Variants in PSMB9 observed in about 807,000 individuals in gnomAD.
PSMB9 encodes proteasome 20S subunit beta 9, also known as proteasome subunit beta type-9.
PSMB9 carries 16 observed loss-of-function variants against 26.9 expected under a neutral mutation model. That is an observed-to-expected ratio of 0.59 (90% CI 0.40 to 0.90). The LOEUF (loss-of-function observed/expected upper bound fraction) is 0.90, where lower values mean the gene tolerates loss of function less well. PSMB9 is among the 40% of genes least tolerant of loss of function. PSMB9 has a pLI of 0.00. For synonymous variants in PSMB9, 91 were observed against 112.0 expected, an observed-to-expected ratio of 0.81 and a Z score of 1.18; for missense variants, 253 against 292.2, an observed-to-expected ratio of 0.87 and a Z score of 0.98.
At chr6:32,855,588 C>T (rs1771120051) in intron 1 of PSMB9, among the ~76,000 whole-genome samples, 1 of 152,074 alleles carries the variant, frequency 6.6e-6, no homozygotes, top group Non-Finnish European at 1.5e-5. Context: ...CCTGCCTTGC[C>T]CCTGGCCATG....
intron 2 of PSMB9, chr6:32,856,738 T>C (rs1771177416): frequency 6.4e-6 from 1 of 155,654 alleles, no homozygotes; most frequent in Non-Finnish European, 1.4e-5. Flanking sequence ...CATTTTTTGC[T>C]TTGTTATAAA....
chr6:32,857,952 A>G lies in PSMB9; in HGVS notation c.261-53A>G, dbSNP rs991383305. 8 of 1,607,856 alleles carry G rather than the reference A, an allele frequency of 5.0e-6. No homozygotes were observed. In the African/African-American group the frequency reaches 9.4e-5, roughly 19 times the overall value. On this transcript the variant is annotated intron_variant, in intron 3 of 5. Transcript: ENST00000374859. Reference sequence around the variant, plus strand: ...TTAGCAGGGATGATGGTAACAGTATAGGAGAATGAGACTTAAAATTCTATC... The same window carrying G: ...TTAGCAGGGATGATGGTAACAGTATGGGAGAATGAGACTTAAAATTCTATC...
chr6:32,857,218 A>AGGC, intron 2 of PSMB9, 45 bp from the exon 3 acceptor site: 1 of 1,426,240 alleles, frequency 7.0e-7, no homozygotes, highest in Admixed American at 2.3e-5. Context: ...AAAAAAAAAA[A>AGGC]AAACCTGAGT....
chr6:32,857,209 A>C (rs1315356958), intron 2 of PSMB9, 54 bp from the exon 3 acceptor site: 11 of 1,509,554 alleles, frequency 7.3e-6, no homozygotes, highest in East Asian at 2.3e-5. Flanking sequence ...AAAAAAAAAA[A>C]AAAAAAAAAA....
intron 5 of PSMB9, 56 bp from the exon 6 acceptor site, chr6:32,859,349 T>G (rs910497701): frequency 5.2e-6 from 8 of 1,534,036 alleles, no homozygotes; most frequent in Non-Finnish European, 7.0e-6. Flanking sequence ...AGTAAAAAGA[T>G]TTTTGAAGCT....
At position 32,858,633 on chromosome 6, in the gene PSMB9, A is replaced by C. The variant is rs534118284; in HGVS notation, c.532+128A>C. The C allele has an allele frequency of 2.9e-4, 360 of 1,262,566 alleles. 1 individual carries two copies. The African/African-American group carries it at 5.0e-3, about 18-fold the overall frequency. 78.2% of individuals were successfully genotyped at this position (1,262,566 alleles called of 1,614,324 possible). ...TAATGCCGGGCCTGGTACACTTTTA[A>C]GAGTGAAAAGGGGCAGGACAAATGC... is the stretch of plus-strand genomic sequence containing the variant. On this transcript the variant is annotated intron_variant, in intron 5 of 5. Coordinates refer to ENST00000374859, the MANE Select transcript of PSMB9 (RefSeq NM_002800.5). This position sits in a 1 kb window ranked among gnomAD's most constrained non-coding sequence, Gnocchi z 5.2.
In PSMB9 at chr6:32,858,687, G is replaced by A. The variant is rs1470654294; in HGVS notation, c.532+182G>A. On this transcript the variant is annotated intron_variant, in intron 5 of 5. Transcript: ENST00000374859. The surrounding 1 kb of genome is among the most constrained non-coding windows in gnomAD (Gnocchi z 5.2). Reference sequence around the variant, plus strand: ...GCTCAATGGGGTTCTTGGGCAATACGGATAAACCAGGGCTGTTCTGAGTAA... The same window carrying A: ...GCTCAATGGGGTTCTTGGGCAATACAGATAAACCAGGGCTGTTCTGAGTAA... 5 of 732,372 alleles carry A rather than the reference G, an allele frequency of 6.8e-6. No individual in the cohort carries two copies. The highest frequency in any genetic ancestry group is 2.2e-5 in the Admixed American group (1 of 46,338). The allele number at this position is 732,372 out of a possible 1,614,324, so 45.4% of individuals were successfully genotyped here.
At position 32,858,289 on chromosome 6, in the gene PSMB9, G is replaced by C. The variant is rs112322888; in HGVS notation, c.391-75G>C. 2,766 of 1,605,944 alleles carry C rather than the reference G, an allele frequency of 1.7e-3. 29 individuals are homozygous for C. In the African/African-American group the frequency reaches 0.023, roughly 13 times the overall value. ...ATGAGATACCAGGGCTTCATTGCAG[G>C]GTGCAGAGACCACTTAATGTCTCAG... On this transcript the variant is annotated intron_variant, in intron 4 of 5. Coordinates refer to ENST00000374859, the MANE Select transcript of PSMB9 (RefSeq NM_002800.5). This position sits in a 1 kb window ranked among gnomAD's most constrained non-coding sequence, Gnocchi z 5.2.
intron 1 of PSMB9, among the ~76,000 whole-genome samples, chr6:32,855,080 C>T (rs1029526361): frequency 6.6e-6 from 1 of 152,170 alleles, no homozygotes; most frequent in Non-Finnish European, 1.5e-5. Flanking sequence ...CATGATAAGT[C>T]GGTCCGTCGG....
chr6:32,859,262 C>A, intron 5 of PSMB9, 143 bp from the exon 6 acceptor site: 1 of 1,076,204 alleles, frequency 9.3e-7, no homozygotes, highest in South Asian at 1.9e-5. Context: ...ACTGATTTAC[C>A]AGCACACCAC....
At chr6:32,856,654 G>A (rs972019808) in intron 2 of PSMB9, 1 of 160,472 alleles carries the variant, frequency 6.2e-6, no homozygotes, top group African/African-American at 2.4e-5. Context: ...CTGACATTAT[G>A]TTCCATAGAA....
Sources: allele counts gnomAD v4.1 joint callset (sites outside exome capture counted in the v4.1 genomes callset), GRCh38; gene constraint gnomAD v4.1.1; non-coding constraint Gnocchi (gnomAD v3.1); transcripts MANE v1.5; gene names NCBI Gene and HGNC (gene_info 2026-07-23, HGNC 2026-07-21).